Variants in SYBU observed in about 807,000 individuals in gnomAD.
SYBU encodes syntabulin.
In SYBU, 21 loss-of-function variants were observed where a neutral mutation model predicts 35.9. The ratio of observed to expected loss-of-function variants is 0.58; its 90% CI spans 0.41 to 0.84. SYBU has a LOEUF of 0.84. Ranked by LOEUF, SYBU falls within the 40% of genes least tolerant of loss-of-function variation. The pLI is 0.00. For missense variants in SYBU, 768 were observed against 848.2 expected, an observed-to-expected ratio of 0.91 and a Z score of 1.17; for synonymous variants, 319 against 324.3, an observed-to-expected ratio of 0.98 and a Z score of 0.18.
At chr8:109,657,790 A>G (rs554684018) in intron 1 of SYBU, among the ~76,000 whole-genome samples, 1 of 152,288 alleles carries the variant, frequency 6.6e-6, no homozygotes, top group Admixed American at 6.5e-5. Flanking sequence ...GCAGCCCTTC[A>G]AAGTGTTTAA....
intron 1 of SYBU, among the ~76,000 whole-genome samples, chr8:109,668,154 G>T (rs1444974423): frequency 2.4e-5 from 2 of 84,662 alleles, no homozygotes; most frequent in African/African-American, 1.1e-4. Context: ...AAGAGGCAGA[G>T]GGGGAGAGGG....
chr8:109,592,122 T>C (rs2129856820), intron 3 of SYBU, among the ~76,000 whole-genome samples: 1 of 152,288 alleles, frequency 6.6e-6, no homozygotes, highest in Non-Finnish European at 1.5e-5. Flanking sequence ...CTGAAACTAC[T>C]GGTACAGTGG....
At chr8:109,637,147 C>T (rs7015024) in intron 2 of SYBU, among the ~76,000 whole-genome samples, 13,570 of 152,258 alleles carry the variant, frequency 0.089, 723 homozygotes, top group South Asian at 0.23. Flanking sequence ...AATGCAGATT[C>T]CTGAGCCCTT....
At chr8:109,663,022 A>G (rs1445514072) in intron 1 of SYBU, among the ~76,000 whole-genome samples, 2 of 152,200 alleles carry the variant, frequency 1.3e-5, no homozygotes, top group African/African-American at 4.8e-5. Context: ...AATGATATTT[A>G]AATGGGTCAT....
At chr8:109,677,198 GAA>G (rs943256571) in intron 1 of SYBU, among the ~76,000 whole-genome samples, 1 of 151,290 alleles carries the variant, frequency 6.6e-6, no homozygotes, top group African/African-American at 2.4e-5. Context: ...TTACAAAACT[GAA>G]AAAAAATGTA....
At chr8:109,676,576 T>C (rs761284196) in intron 1 of SYBU, among the ~76,000 whole-genome samples, 1 of 152,226 alleles carries the variant, frequency 6.6e-6, no homozygotes, top group Non-Finnish European at 1.5e-5. Context: ...ATTTGAAGGC[T>C]GCTGTGCATT....
chr8:109,576,969 C>A (rs1027677100), intron 6 of SYBU, among the ~76,000 whole-genome samples: 6 of 152,110 alleles, frequency 3.9e-5, no homozygotes, highest in Non-Finnish European at 7.4e-5. Flanking sequence ...AATCACAGAC[C>A]AAACACTTCC....
In SYBU at chr8:109,691,452, G is replaced by C. The variant is rs1430838064; in HGVS notation, c.-177C>G. Reference sequence around the variant, plus strand: ...CGGACGGGACCCCGCGTCGCTGCTGGTTTGCGCTCAGGCCCGGGGAGCCGG... The same window carrying C: ...CGGACGGGACCCCGCGTCGCTGCTGCTTTGCGCTCAGGCCCGGGGAGCCGG... On this transcript the variant is annotated 5_prime_UTR_variant, in exon 1 of 8. Coordinates refer to the SYBU transcript ENST00000422135. The surrounding 1 kb of genome is among the most constrained non-coding windows in gnomAD (Gnocchi z 4.7). 1 of 641,042 alleles carries C rather than the reference G, an allele frequency of 1.6e-6. No individual in the cohort carries two copies. Among genetic ancestry groups the C allele is most frequent in the Non-Finnish European group, 2.8e-6 (1 of 360,140 alleles). 39.7% of individuals were successfully genotyped at this position (641,042 alleles called of 1,614,324 possible).
At chr8:109,685,970 C>A (rs1390170176), upstream of SYBU, among the ~76,000 whole-genome samples, 1 of 152,108 alleles carries the variant, frequency 6.6e-6, no homozygotes, top group African/African-American at 2.4e-5. Flanking sequence ...CCAAGCTGTA[C>A]TTCAGATAGG....
At chr8:109,690,067 T>C (rs1817611539) in intron 1 of SYBU, among the ~76,000 whole-genome samples, 1 of 152,186 alleles carries the variant, frequency 6.6e-6, no homozygotes, top group Non-Finnish European at 1.5e-5. Flanking sequence ...ATAAAGTGAA[T>C]AAAATATTAT....
At chr8:109,641,375 G>A (rs555772589) in intron 2 of SYBU, among the ~76,000 whole-genome samples, 5 of 152,226 alleles carry the variant, frequency 3.3e-5, no homozygotes, top group Middle Eastern at 3.2e-3. Context: ...GCCAGGTACC[G>A]TGTAAGGTGA....
intron 4 of SYBU, among the ~76,000 whole-genome samples, chr8:109,582,822 C>T (rs1356762599): frequency 2.0e-5 from 3 of 152,112 alleles, no homozygotes; most frequent in African/African-American, 7.2e-5. Flanking sequence ...TCCAGTTTAA[C>T]TGGTGTCCTT....
At chr8:109,653,112 G>C (rs879587873) in intron 1 of SYBU, among the ~76,000 whole-genome samples, 1 of 152,056 alleles carries the variant, frequency 6.6e-6, no homozygotes, top group Non-Finnish European at 1.5e-5. Context: ...TGAACAGTCA[G>C]GTAAATCTCT....
intron 1 of SYBU, chr8:109,643,338 G>C (rs1408162825): frequency 4.0e-6 from 1 of 249,698 alleles, no homozygotes; most frequent in Non-Finnish European, 6.4e-6. Flanking sequence ...CTTCCATTTT[G>C]CTTTCCCTAA....
intron 3 of SYBU, among the ~76,000 whole-genome samples, chr8:109,595,153 A>G (rs1214921809): frequency 6.6e-6 from 1 of 152,206 alleles, no homozygotes; most frequent in African/African-American, 2.4e-5. Context: ...AAAACATGTG[A>G]GGCCAAAATC....
chr8:109,654,049 A>G (rs556651879), intron 1 of SYBU, among the ~76,000 whole-genome samples: 3 of 151,604 alleles, frequency 2.0e-5, no homozygotes, highest in African/African-American at 7.3e-5. Flanking sequence ...AACGTTAGCT[A>G]TTTTTTTTTA....
intron 1 of SYBU, among the ~76,000 whole-genome samples, chr8:109,652,364 C>CCTT (rs34132792): frequency 0.31 from 46,842 of 151,180 alleles, 8,571 homozygotes; most frequent in East Asian, 0.52. Context: ...TCCTCCTCCT[C>CCTT]CTTCTTTTTC....
intron 1 of SYBU, among the ~76,000 whole-genome samples, chr8:109,678,369 A>T (rs1436467752): frequency 1.3e-5 from 2 of 151,394 alleles, no homozygotes; most frequent in Non-Finnish European, 1.5e-5. Flanking sequence ...TTTGTCTTAT[A>T]AGTAGATAAT....
At chr8:109,591,506 A>ATT (rs1047402673) in intron 3 of SYBU, among the ~76,000 whole-genome samples, 6,373 of 100,770 alleles carry the variant, frequency 0.063, 380 homozygotes, top group Middle Eastern at 0.13. Flanking sequence ...AAAAATGTAA[A>ATT]TTTTTTTTTT....
Sources: gnomAD v4.1 joint callset for allele counts (sites outside exome capture counted in the v4.1 genomes callset) on GRCh38, gnomAD v4.1.1 for gene constraint, Gnocchi (gnomAD v3.1) non-coding constraint, MANE v1.5 for transcripts, NCBI Gene and HGNC (gene_info 2026-07-23, HGNC 2026-07-21) for gene names.